Variants in CLEC16A observed in about 807,000 individuals in gnomAD.
CLEC16A encodes protein CLEC16A.
CLEC16A carries 51 observed loss-of-function variants against 109.5 expected under a neutral mutation model. The ratio of observed to expected loss-of-function variants is 0.47; its 90% CI spans 0.37 to 0.59. The LOEUF (loss-of-function observed/expected upper bound fraction) is 0.59, where lower values mean the gene tolerates loss of function less well. CLEC16A is among the 20% of genes least tolerant of loss of function. CLEC16A has a pLI of 0.00. For missense variants in CLEC16A, 1,339 were observed against 1,394.0 expected (o/e 0.96, Z 0.63); for synonymous variants, 673 against 564.2 (o/e 1.19, Z -2.73).
At chr16:11,096,383 C>T (rs1186741813) in intron 19 of CLEC16A, among the ~76,000 whole-genome samples, 1 of 152,066 alleles carries the variant, frequency 6.6e-6, no homozygotes, top group Non-Finnish European at 1.5e-5. Flanking sequence ...AATGTCCACC[C>T]TCCTCATCCC....
intron 18 of CLEC16A, among the ~76,000 whole-genome samples, chr16:11,055,168 A>G (rs1450335717): frequency 6.6e-6 from 1 of 152,118 alleles, no homozygotes; most frequent in Non-Finnish European, 1.5e-5. Context: ...TGCCTTCTGG[A>G]CCGCTCTTTT....
At chr16:11,058,524 CT>C (rs200231041) in intron 18 of CLEC16A, among the ~76,000 whole-genome samples, 163 of 146,722 alleles carry the variant, frequency 1.1e-3, no homozygotes, top group African/African-American at 2.4e-3. Flanking sequence ...AGATGCAACC[CT>C]TTTTTTTTTT....
intron 1 of CLEC16A, among the ~76,000 whole-genome samples, chr16:10,948,533 A>G (rs2041550534): frequency 1.3e-5 from 2 of 152,188 alleles, no homozygotes; most frequent in Non-Finnish European, 2.9e-5. Flanking sequence ...TGAGTGATGG[A>G]ATCGTTTGAT....
At chr16:10,988,370 GA>G (rs1172903781) in intron 10 of CLEC16A, among the ~76,000 whole-genome samples, 2 of 152,094 alleles carry the variant, frequency 1.3e-5, no homozygotes, top group Non-Finnish European at 2.9e-5. Flanking sequence ...GCACTGGAAC[GA>G]CCTGACCCCT....
chr16:11,157,177 A>T lies in CLEC16A; in HGVS notation c.2642-9211A>T, dbSNP rs900870465. ...GTTCCCAGCTATTTTTGTATGTTGGACATGTTATCCGTTGAAAAGCAATCA... is the reference window on the plus strand; with the variant it reads ...GTTCCCAGCTATTTTTGTATGTTGGTCATGTTATCCGTTGAAAAGCAATCA... On this transcript the variant is annotated intron_variant, in intron 22 of 23. Transcript: ENST00000409790. 8.7e-6 allele frequency: 11 copies of T among 1,265,650 alleles called. No individual in the cohort carries two copies. In the Admixed American group the frequency reaches 3.3e-4, roughly 37 times the overall value. 78.4% of individuals were successfully genotyped at this position (1,265,650 alleles called of 1,614,324 possible).
intron 22 of CLEC16A, among the ~76,000 whole-genome samples, chr16:11,148,409 C>T (rs913750558): frequency 2.6e-5 from 4 of 152,170 alleles, no homozygotes; most frequent in African/African-American, 9.7e-5. Context: ...GGCACTAGAA[C>T]TTGACAATAC....
intron 19 of CLEC16A, among the ~76,000 whole-genome samples, chr16:11,077,887 G>C (rs1294107136): frequency 6.6e-6 from 1 of 152,092 alleles, no homozygotes; most frequent in Non-Finnish European, 1.5e-5. Context: ...GGGAGGCTGA[G>C]GCAGGCGGAT....
intron 16 of CLEC16A, among the ~76,000 whole-genome samples, chr16:11,046,529 G>C (rs1376833895): frequency 1.3e-5 from 2 of 151,948 alleles, no homozygotes; most frequent in Admixed American, 1.3e-4. Flanking sequence ...CAGTTCTAAG[G>C]GTCATTGTCC....
intron 18 of CLEC16A, among the ~76,000 whole-genome samples, chr16:11,057,304 A>G (rs1309883825): frequency 6.6e-6 from 1 of 152,268 alleles, no homozygotes; most frequent in Non-Finnish European, 1.5e-5. Context: ...GCAAGGAAGC[A>G]GGAGGGTGAA....
chr16:11,022,259 G>A (rs945688828), intron 12 of CLEC16A, among the ~76,000 whole-genome samples: 1 of 149,358 alleles, frequency 6.7e-6, no homozygotes, highest in African/African-American at 2.5e-5. Flanking sequence ...GTTGCAGCTT[G>A]TAAGAAACTG....
intron 19 of CLEC16A, among the ~76,000 whole-genome samples, chr16:11,086,855 C>T (rs1486833829): frequency 6.6e-6 from 1 of 152,146 alleles, no homozygotes; most frequent in Non-Finnish European, 1.5e-5. Flanking sequence ...TCAGCGCTAC[C>T]CCATCTCCTT....
chr16:11,122,888 A>C lies in CLEC16A; in HGVS notation c.2269-854A>C, dbSNP rs1183591555. Among the ~76,000 whole-genome samples, 3 of 127,030 alleles carry C rather than the reference A, an allele frequency of 2.4e-5. No individual in the cohort carries two copies. The Admixed American group carries it at 2.4e-4, about 10-fold the overall frequency. The allele number at this position is 127,030 out of a possible 152,430, so 83.3% of individuals were successfully genotyped here. ...AAATCTCTGCTCAATGACCTTCCCT[A>C]TCCCTTTCTTTTTTTTTTTTTTTTT... On this transcript the variant is annotated intron_variant, in intron 20 of 23. Transcript: ENST00000409790.
At chr16:11,010,332 G>T (rs982228548) in intron 11 of CLEC16A, among the ~76,000 whole-genome samples, 4 of 151,902 alleles carry the variant, frequency 2.6e-5, no homozygotes, top group Non-Finnish European at 5.9e-5. Flanking sequence ...ACAGGCCCTA[G>T]CACCTTTTTG....
chr16:11,024,197 C>G (rs2046283990), intron 12 of CLEC16A: 1 of 152,512 alleles, frequency 6.6e-6, no homozygotes, highest in African/African-American at 2.4e-5. Flanking sequence ...GTCCACAGTG[C>G]CTGACCCTGT....
intron 19 of CLEC16A, among the ~76,000 whole-genome samples, chr16:11,075,412 C>CTGTGTGTGTGTGTGTG (rs375261875): frequency 8.3e-6 from 1 of 120,548 alleles, no homozygotes; most frequent in African/African-American, 3.0e-5. Flanking sequence ...GTGTGTGTGT[C>CTGTGTGTGTGTGTGTG]TGTGTGTGTG....
Position 10,977,414 on chromosome 16 carries a change from G to C in CLEC16A, c.903+15G>C, listed in dbSNP as rs201356696. 9.3e-6 allele frequency: 15 copies of C among 1,608,382 alleles called. No individual in the cohort carries two copies. Among genetic ancestry groups the C allele is most frequent in the African/African-American group, 1.3e-5 (1 of 74,784 alleles). ...ACCAGGACAAGGTGGGTCCAGCCCC[G>C]TGGCTCCCGCTGGCTGAAGGCCATC... On this transcript the variant is annotated intron_variant, in intron 8 of 23. Transcript: ENST00000409790.
At chr16:11,176,050 A>G (rs2068734777) in intron 23 of CLEC16A, among the ~76,000 whole-genome samples, 1 of 152,144 alleles carries the variant, frequency 6.6e-6, no homozygotes, top group Non-Finnish European at 1.5e-5. Flanking sequence ...GTGGATCCAC[A>G]TGTGTGTGAG....
At chr16:11,161,328 T>C (rs1342863608) in intron 22 of CLEC16A, among the ~76,000 whole-genome samples, 1 of 152,174 alleles carries the variant, frequency 6.6e-6, no homozygotes, top group Non-Finnish European at 1.5e-5. Context: ...CCCTACCTTA[T>C]GCAAAGACTC....
chr16:10,984,915 G>C (rs1221435895), intron 10 of CLEC16A, among the ~76,000 whole-genome samples: 2 of 152,074 alleles, frequency 1.3e-5, no homozygotes, highest in East Asian at 1.9e-4. Context: ...AAAATATAAA[G>C]TGCCCGCTGG....
Sources: allele counts gnomAD v4.1 joint callset (sites outside exome capture counted in the v4.1 genomes callset), GRCh38; gene constraint gnomAD v4.1.1; transcripts MANE v1.5; gene names NCBI Gene and HGNC (gene_info 2026-07-23, HGNC 2026-07-21).